Variants in CPB1 observed in about 807,000 individuals in gnomAD.
CPB1 encodes the protein carboxypeptidase B.
A neutral mutation model predicts 51.4 loss-of-function variants in CPB1; 53 were observed. The observed-to-expected ratio is 1.03, with a 90% CI of 0.83 to 1.30. CPB1 has a LOEUF of 1.30. Among genes scored for constraint, CPB1 ranks in the 50% most tolerant of loss-of-function variants. CPB1 has a pLI of 0.00. For missense variants in CPB1, 494 were observed against 516.2 expected, an observed-to-expected ratio of 0.96 and a Z score of 0.42; for synonymous variants, 189 against 186.9, an observed-to-expected ratio of 1.01 and a Z score of -0.09.
At chr3:148,844,059 T>C (rs1220687492) in intron 6 of CPB1, among the ~76,000 whole-genome samples, 1 of 152,204 alleles carries the variant, frequency 6.6e-6, no homozygotes, top group African/African-American at 2.4e-5. Context: ...ATTAGGAACA[T>C]GCACAGCTAT....
intron 8 of CPB1, 128 bp downstream of exon 8, chr3:148,844,895 A>C (rs1576571051): frequency 7.6e-6 from 6 of 785,712 alleles, no homozygotes; most frequent in South Asian, 3.8e-5. Flanking sequence ...TTCTAAAAGC[A>C]CCAAAAAAAA....
intron 3 of CPB1, among the ~76,000 whole-genome samples, chr3:148,840,314 A>G (rs1025732951): frequency 2.9e-5 from 2 of 69,606 alleles, no homozygotes; most frequent in Non-Finnish European, 9.5e-5. Context: ...GAAAGACCAA[A>G]GATAGGTTTT....
chr3:148,857,624 A>G, intron 10 of CPB1, 83 bp downstream of exon 10: 1 of 945,076 alleles, frequency 1.1e-6, no homozygotes, highest in Non-Finnish European at 1.6e-6. Context: ...CTTTTCTGAT[A>G]GTTTAAAGCA....
At position 148,840,505 on chromosome 3, in the gene CPB1, G is replaced by A. The variant is rs181511405; in HGVS notation, c.273-181G>A. 1.9e-3 allele frequency among the ~76,000 whole-genome samples: 290 copies of A among 152,218 alleles called. 2 individuals are homozygous for A. Among genetic ancestry groups the A allele is most frequent in the African/African-American group, 5.4e-3 (224 of 41,514 alleles). ...CTTAGTGACTTACTCACTCTTTATG[G>A]TCAGTAACAGAATCTCTCTGGAGCA... On this transcript the variant is annotated intron_variant, in intron 3 of 10. Transcript: ENST00000282957.
intron 9 of CPB1, among the ~76,000 whole-genome samples, chr3:148,852,702 CTT>C (rs1713466086): frequency 6.6e-6 from 1 of 152,224 alleles, no homozygotes; most frequent in African/African-American, 2.4e-5. Flanking sequence ...ATTCTCTAGA[CTT>C]TGCAATTTCA....
At chr3:148,838,898 A>C (rs1286685003) in intron 3 of CPB1, among the ~76,000 whole-genome samples, 1 of 152,166 alleles carries the variant, frequency 6.6e-6, no homozygotes, top group African/African-American at 2.4e-5. Context: ...CTATTCCTTA[A>C]CAATTCAACT....
chr3:148,844,929 C>A (rs972102373), intron 8 of CPB1, among the ~76,000 whole-genome samples, 162 bp downstream of exon 8: 1 of 151,484 alleles, frequency 6.6e-6, no homozygotes, highest in African/African-American at 2.4e-5. Context: ...ATTCATTTGA[C>A]CAAAACATAT....
At chr3:148,833,971 T>G (rs1712818228) in intron 2 of CPB1, among the ~76,000 whole-genome samples, 1 of 152,212 alleles carries the variant, frequency 6.6e-6, no homozygotes, top group South Asian at 2.1e-4. Context: ...ATACCCATTG[T>G]GAAAAGATGC....
At chr3:148,832,957 C>G (rs1712785094) in intron 2 of CPB1, among the ~76,000 whole-genome samples, 1 of 152,162 alleles carries the variant, frequency 6.6e-6, no homozygotes, top group African/African-American at 2.4e-5. Flanking sequence ...AGACATATCT[C>G]TCTCTCCCAC....
intron 2 of CPB1, among the ~76,000 whole-genome samples, chr3:148,831,482 GA>G (rs1712735239): frequency 6.6e-6 from 1 of 151,992 alleles, no homozygotes; most frequent in African/African-American, 2.4e-5. Flanking sequence ...AATTTTTGAA[GA>G]AAAAAAGATC....
rs138120056 is a variant in CPB1 at position 148,841,864 on chromosome 3, C to A, written c.516C>A (p.Asp172Glu). 19,206 of 1,613,778 alleles carry A rather than the reference C, an allele frequency of 0.012. 140 individuals carry two copies. Among genetic ancestry groups the A allele is most frequent in the Middle Eastern group, 0.031 (189 of 6,062 alleles). The change falls in exon 6 of 11, where the codon GAC (aspartate) becomes GAA (glutamate). Residue 172 changes from aspartate to glutamate, a missense_variant. Physicochemically the swap from Asp to Glu is conservative, Grantham distance 45. Transcript: ENST00000282957. ...AAAATAAGCCTGCCATTTTCATGGA[C>A]TGTGGTTTCCATGCCAGAGAGTGGA... ...AGQNKPAIFM[D>E]CGFHAREWIS...
intron 8 of CPB1, 57 bp from the exon 9 acceptor site, chr3:148,845,367 A>G (rs960889598): frequency 1.3e-6 from 2 of 1,522,046 alleles, no homozygotes; most frequent in Admixed American, 3.4e-5. Flanking sequence ...AGTTTAAAAC[A>G]TCCCCACAAG....
chr3:148,844,600 A>C lies in CPB1; in HGVS notation c.687+12A>C. ...ACACCTGGACCAAGGTATATGCACC[A>C]ATACTGAGAGAGGCTGATGAAATTA... On this transcript the variant is annotated intron_variant, in intron 7 of 10. Transcript: ENST00000282957. 2 of 1,611,994 alleles carry C rather than the reference A, an allele frequency of 1.2e-6. No individual in the cohort carries two copies. Among genetic ancestry groups the C allele is most frequent in the Non-Finnish European group, 1.7e-6 (2 of 1,178,076 alleles).
chr3:148,831,283 G>A (rs1433062910), intron 2 of CPB1, among the ~76,000 whole-genome samples: 3 of 152,092 alleles, frequency 2.0e-5, no homozygotes, highest in South Asian at 2.1e-4. Context: ...GAGTAACATG[G>A]TTACTGTCTT....
chr3:148,833,526 A>T (rs2108011248), intron 2 of CPB1, among the ~76,000 whole-genome samples: 1 of 152,252 alleles, frequency 6.6e-6, no homozygotes. Flanking sequence ...ACCATCAGAC[A>T]TATCTCTAGC....
chr3:148,859,701 C>T lies in CPB1; in HGVS notation c.1067-114C>T, dbSNP rs943531072. The T allele has an allele frequency of 5.0e-5, 51 of 1,013,192 alleles. 1 individual carries two copies. In the African/African-American group the frequency reaches 6.8e-4, roughly 13 times the overall value. The allele number at this position is 1,013,192 out of a possible 1,614,324, so 62.8% of individuals were successfully genotyped here. A position where few individuals can be genotyped will look rare whatever the true frequency, so the allele number is the denominator to read the frequency against. ...TGATCCAGTTTACTAGAAAATTGGC[C>T]TACTCAAAATATTTTGCACAGTGAA... On this transcript the variant is annotated intron_variant, in intron 10 of 10. Transcript: ENST00000282957.
intron 9 of CPB1, chr3:148,857,197 T>G (rs1331690021): frequency 1.1e-5 from 3 of 283,174 alleles, no homozygotes; most frequent in Non-Finnish European, 2.0e-5. Context: ...GCTTTTCTGT[T>G]ACAAACTCTT....
intron 9 of CPB1, among the ~76,000 whole-genome samples, chr3:148,848,425 T>C (rs921475241): frequency 5.3e-5 from 8 of 152,126 alleles, no homozygotes; most frequent in African/African-American, 1.9e-4. Flanking sequence ...CACATTAAAA[T>C]TTAAAGGAAA....
chr3:148,831,282 G>A (rs1287176919), intron 2 of CPB1, among the ~76,000 whole-genome samples: 1 of 152,112 alleles, frequency 6.6e-6, no homozygotes, highest in Non-Finnish European at 1.5e-5. Flanking sequence ...GGAGTAACAT[G>A]GTTACTGTCT....
Sources: allele counts gnomAD v4.1 joint callset (sites outside exome capture counted in the v4.1 genomes callset), GRCh38; gene constraint gnomAD v4.1.1; transcripts MANE v1.5; gene names NCBI Gene and HGNC (gene_info 2026-07-23, HGNC 2026-07-21).